UBE2V2: variants seen among roughly 807,000 people sequenced by gnomAD.
UBE2V2 encodes ubiquitin conjugating enzyme E2 V2.
Under a neutral mutation model 17.2 loss-of-function variants are expected in UBE2V2, and 9 were observed. The observed-to-expected ratio is 0.52, with a 90% CI of 0.32 to 0.91. UBE2V2 has a LOEUF of 0.91. UBE2V2 is among the 40% of genes least tolerant of loss of function. The pLI, the probability that UBE2V2 is intolerant of heterozygous loss-of-function variation, is 0.04. For synonymous variants in UBE2V2, 61 were observed against 57.5 expected, an observed-to-expected ratio of 1.06 and a Z score of -0.28; for missense variants, 133 against 182.6, an observed-to-expected ratio of 0.73 and a Z score of 1.56.
intron 1 of UBE2V2, among the ~76,000 whole-genome samples, chr8:48,036,012 G>A (rs1189741914): frequency 6.8e-5 from 10 of 146,616 alleles, no homozygotes; most frequent in East Asian, 2.0e-4. Flanking sequence ...GTGTGGTGGC[G>A]TGAACAAACA....
intron 1 of UBE2V2, among the ~76,000 whole-genome samples, chr8:48,015,023 C>T (rs1440110248): frequency 2.7e-5 from 4 of 148,364 alleles, no homozygotes; most frequent in Admixed American, 6.8e-5. Flanking sequence ...GCACTCCAGC[C>T]CGAGTGACAG....
chr8:48,027,908 C>T (rs928780237), intron 1 of UBE2V2, among the ~76,000 whole-genome samples: 17 of 152,004 alleles, frequency 1.1e-4, no homozygotes, highest in Non-Finnish European at 2.4e-4. Context: ...GGCTGGAGTG[C>T]AATGGCGCGG....
rs1485181000 is a variant in UBE2V2, at chr8:48,064,106, T to G, written c.*3278T>G. The G allele has an allele frequency of 6.6e-6, 1 of 152,158 alleles. No individual in the cohort carries two copies. The highest frequency in any genetic ancestry group is 1.5e-5 in the Non-Finnish European group (1 of 68,022). The allele number at this position is 152,158 out of a possible 1,614,324, so 9.4% of individuals were successfully genotyped here. A position where few individuals can be genotyped will look rare whatever the true frequency, so the allele number is the denominator to read the frequency against. On this transcript the variant is annotated 3_prime_UTR_variant, in exon 4 of 4. Coordinates refer to ENST00000523111, the MANE Select transcript of UBE2V2 (RefSeq NM_003350.3). ...AGCATGTGACTGTATTAGGTACATT[T>G]TGAAGAATATAAGTACTGATGATAA...
At chr8:48,020,905 T>A (rs1201176283) in intron 1 of UBE2V2, among the ~76,000 whole-genome samples, 1 of 140,002 alleles carries the variant, frequency 7.1e-6, no homozygotes, top group Non-Finnish European at 1.6e-5. Flanking sequence ...GCCCAGCTAA[T>A]TTTTTTTTTT....
At chr8:48,041,899 T>C (rs1359117074) in intron 1 of UBE2V2, 1 of 152,208 alleles carries the variant, frequency 6.6e-6, no homozygotes, top group Non-Finnish European at 1.5e-5. Flanking sequence ...GTTCAAGCGA[T>C]TCTCCTGCCT....
chr8:48,027,907 G>T (rs1399430974), intron 1 of UBE2V2, among the ~76,000 whole-genome samples: 1 of 152,088 alleles, frequency 6.6e-6, no homozygotes, highest in South Asian at 2.1e-4. Context: ...AGGCTGGAGT[G>T]CAATGGCGCG....
rs1229147413 is a variant in UBE2V2, at chr8:48,064,634, G to A, written c.*3806G>A. 1 of 151,734 alleles carries A rather than the reference G, an allele frequency of 6.6e-6. No homozygotes were observed. The highest frequency in any genetic ancestry group is 2.4e-5 in the African/African-American group (1 of 41,302). 9.4% of individuals were successfully genotyped at this position (151,734 alleles called of 1,614,324 possible). A position where few individuals can be genotyped will look rare whatever the true frequency, so the allele number is the denominator to read the frequency against. ...ATTTTCTGAAGAGAAAATTAATGAA[G>A]GTATTTAATGATATAGGAAATAAGT... On this transcript the variant is annotated 3_prime_UTR_variant, in exon 4 of 4. Coordinates refer to ENST00000523111, the MANE Select transcript of UBE2V2 (RefSeq NM_003350.3).
chr8:48,004,147 C>T (rs747424345), upstream of UBE2V2, among the ~76,000 whole-genome samples: 1 of 152,114 alleles, frequency 6.6e-6, no homozygotes, highest in Non-Finnish European at 1.5e-5. Context: ...TCATTACTGG[C>T]AATCAATATG....
intron 1 of UBE2V2, among the ~76,000 whole-genome samples, chr8:48,010,920 A>G (rs1293074642): frequency 7.1e-6 from 1 of 140,752 alleles, no homozygotes; most frequent in African/African-American, 2.6e-5. Context: ...TAGTAGGGAC[A>G]GGTTTTCATC....
chr8:48,020,970 C>T (rs2091300621), intron 1 of UBE2V2, among the ~76,000 whole-genome samples: 1 of 151,056 alleles, frequency 6.6e-6, no homozygotes, highest in Non-Finnish European at 1.5e-5. Flanking sequence ...TAGCTTTGAA[C>T]TCCTGGCCTC....
chr8:48,062,809 T>C lies in UBE2V2; in HGVS notation c.*1981T>C, dbSNP rs1346663495. ...GCTGTTGCATTTTAATTATCAAAAATGTTTAAAATGCTTTAAGATGACACA... is the reference window on the plus strand; with the variant it reads ...GCTGTTGCATTTTAATTATCAAAAACGTTTAAAATGCTTTAAGATGACACA... On this transcript the variant is annotated 3_prime_UTR_variant, in exon 4 of 4. Transcript: ENST00000523111. The C allele has an allele frequency of 2.0e-5, 3 of 152,246 alleles. No homozygotes were observed. Among genetic ancestry groups the C allele is most frequent in the Non-Finnish European group, 2.9e-5 (2 of 68,032 alleles). The allele number at this position is 152,246 out of a possible 1,614,324, so 9.4% of individuals were successfully genotyped here. A position where few individuals can be genotyped will look rare whatever the true frequency, so the allele number is the denominator to read the frequency against.
chr8:48,044,694 C>G (rs923022935), intron 2 of UBE2V2, among the ~76,000 whole-genome samples: 13 of 151,998 alleles, frequency 8.6e-5, no homozygotes, highest in African/African-American at 3.1e-4. Flanking sequence ...ATAATGGAAG[C>G]CTTGATTTTC....
intron 3 of UBE2V2, among the ~76,000 whole-genome samples, chr8:48,055,826 T>C (rs566414096): frequency 3.2e-4 from 48 of 151,820 alleles, no homozygotes; most frequent in African/African-American, 1.1e-3. Flanking sequence ...GTGCAATGGC[T>C]TGGCTCACTG....
intron 1 of UBE2V2, among the ~76,000 whole-genome samples, chr8:48,018,065 G>A (rs2091282279): frequency 6.6e-6 from 1 of 151,962 alleles, no homozygotes; most frequent in African/African-American, 2.4e-5. Context: ...TCGAACTCCT[G>A]ACCTCAGGTG....
At chr8:48,024,936 ATT>A (rs199796045) in intron 1 of UBE2V2, among the ~76,000 whole-genome samples, 12 of 138,920 alleles carry the variant, frequency 8.6e-5, no homozygotes, top group Non-Finnish European at 7.9e-5. Context: ...TCCCTTACTG[ATT>A]TTTTTTTTTT....
At chr8:48,008,417 G>A, upstream of UBE2V2, 1 of 1,559,150 alleles carries the variant, frequency 6.4e-7, no homozygotes. Flanking sequence ...GACGGTTCGT[G>A]CGTGCGTGCG....
chr8:48,054,066 G>A (rs144515828), intron 3 of UBE2V2, among the ~76,000 whole-genome samples: 3 of 152,158 alleles, frequency 2.0e-5, no homozygotes, highest in Admixed American at 1.3e-4. Flanking sequence ...CGGCCTCCCA[G>A]AGTGCTGGGT....
chr8:48,039,067 G>A (rs945668340), intron 1 of UBE2V2, among the ~76,000 whole-genome samples: 1 of 149,802 alleles, frequency 6.7e-6, no homozygotes, highest in African/African-American at 2.5e-5. Context: ...TAGTAGAGAT[G>A]GGTTTGTATT....
intron 2 of UBE2V2, among the ~76,000 whole-genome samples, chr8:48,044,409 A>C (rs2091484694): frequency 6.6e-6 from 1 of 152,214 alleles, no homozygotes; most frequent in African/African-American, 2.4e-5. Context: ...TTGGCCTCCC[A>C]AAATGCTGGG....
Sources: allele counts gnomAD v4.1 joint callset (sites outside exome capture counted in the v4.1 genomes callset), GRCh38; gene constraint gnomAD v4.1.1; transcripts MANE v1.5; gene names NCBI Gene and HGNC (gene_info 2026-07-23, HGNC 2026-07-21).